PTGER4: variants seen among roughly 807,000 people sequenced by gnomAD.
PTGER4 encodes the protein prostaglandin E2 receptor EP4 subtype.
A neutral mutation model predicts 33.2 loss-of-function variants in PTGER4; 11 were observed. That is an observed-to-expected ratio of 0.33 (90% confidence interval 0.21 to 0.55). The LOEUF is 0.55. Ranked by LOEUF, PTGER4 falls within the 20% of genes least tolerant of loss-of-function variation. The probability of loss-of-function intolerance (pLI) is 0.92; values close to 1 mark genes in which losing one functional copy is unlikely to be tolerated. For missense variants in PTGER4, 481 were observed against 650.2 expected, an observed-to-expected ratio of 0.74 and a Z score of 2.83; for synonymous variants, 275 against 281.5, an observed-to-expected ratio of 0.98 and a Z score of 0.23.
intron 2 of PTGER4, among the ~76,000 whole-genome samples, chr5:40,684,151 C>T (rs1350855490): frequency 8.6e-6 from 1 of 116,520 alleles, no homozygotes; most frequent in East Asian, 2.9e-4. Context: ...TCAGCAATTA[C>T]TGAAATAATC....
downstream of PTGER4, chr5:40,696,854 A>C (rs1561133898): frequency 1.3e-3 from 490 of 374,208 alleles, no homozygotes; most frequent in Non-Finnish European, 1.6e-3. Flanking sequence ...ACAAGAACTC[A>C]AGGCAACAGC....
the PTGER4 span, among the ~76,000 whole-genome samples, chr5:40,733,149 G>C: frequency 2.0e-5 from 3 of 152,148 alleles, no homozygotes; most frequent in Non-Finnish European, 2.9e-5. Context: ...AAGACTAGGG[G>C]AATGTGAATA....
the PTGER4 span, among the ~76,000 whole-genome samples, chr5:40,712,457 G>A: frequency 1.6e-4 from 24 of 152,116 alleles, no homozygotes; most frequent in African/African-American, 5.8e-4. Context: ...AATATTTTAA[G>A]TTTACTGCTG....
At position 40,680,890 on chromosome 5, in the gene PTGER4, A is replaced by G. The variant is rs1561126119; in HGVS notation, c.-43-61A>G. ...TGTATCGTTTCTCGGGCGCGGGTCT[A>G]ACACCTTACAAGTGGTAATTTCCGC... On this transcript the variant is annotated intron_variant, in intron 1 of 2. Coordinates refer to ENST00000302472, the MANE Select transcript of PTGER4 (RefSeq NM_000958.3). This position sits in a 1 kb window ranked among gnomAD's most constrained non-coding sequence, Gnocchi z 5.5. The G allele has an allele frequency of 2.8e-6, 4 of 1,426,346 alleles. No homozygotes were observed. The highest frequency in any genetic ancestry group is 3.8e-6 in the Non-Finnish European group (4 of 1,057,528). The allele number at this position is 1,426,346 out of a possible 1,614,324, so 88.4% of individuals were successfully genotyped here.
chr5:40,725,919 G>A, the PTGER4 span, among the ~76,000 whole-genome samples: 1 of 151,460 alleles, frequency 6.6e-6, no homozygotes, highest in East Asian at 1.9e-4. Context: ...CCGAGCAGCT[G>A]GGACTACAGG....
the PTGER4 span, among the ~76,000 whole-genome samples, chr5:40,737,752 A>C: frequency 6.6e-6 from 1 of 152,206 alleles, no homozygotes; most frequent in African/African-American, 2.4e-5. Context: ...ATCTACCCCA[A>C]CTGCTGACCC....
rs771319064 is a variant in PTGER4, at chr5:40,681,149, G to A, written c.156G>A (p.Thr52=). The A allele has an allele frequency of 5.6e-6, 9 of 1,614,042 alleles. No individual in the cohort carries two copies. Among genetic ancestry groups the A allele is most frequent in the Non-Finnish European group, 7.6e-6 (9 of 1,180,050 alleles). ...LCKSRKEQKE[T]TFYTLVCGLA... is the part of the protein sequence containing the mutation. The stretch of plus-strand genomic sequence containing the variant: ...AGTCGCGCAAGGAGCAGAAGGAGAC[G>A]ACCTTCTACACGCTGGTATGTGGGC... Residue 52 remains threonine (T), a synonymous_variant, in exon 2 of 3, where the codon ACG becomes ACA. Coordinates refer to ENST00000302472, the MANE Select transcript of PTGER4 (RefSeq NM_000958.3). This position sits in a 1 kb window ranked among gnomAD's most constrained non-coding sequence, Gnocchi z 9.8.
intron 2 of PTGER4, among the ~76,000 whole-genome samples, chr5:40,686,611 A>G (rs1342452139): frequency 6.6e-6 from 1 of 152,258 alleles, no homozygotes; most frequent in Non-Finnish European, 1.5e-5. Context: ...TCTACAGCAT[A>G]TAGCCTCCTT....
the PTGER4 span, among the ~76,000 whole-genome samples, chr5:40,741,401 A>C: frequency 2.6e-5 from 4 of 152,160 alleles, no homozygotes; most frequent in South Asian, 8.3e-4. Context: ...TCCGCTCTGT[A>C]TGAACGCTAC....
the PTGER4 span, among the ~76,000 whole-genome samples, chr5:40,713,911 A>G: frequency 6.6e-6 from 1 of 152,234 alleles, no homozygotes; most frequent in South Asian, 2.1e-4. Context: ...CTTCACGCAT[A>G]GAAGAGTATG....
the PTGER4 span, among the ~76,000 whole-genome samples, chr5:40,722,056 T>C: frequency 6.6e-6 from 1 of 152,028 alleles, no homozygotes; most frequent in Admixed American, 6.6e-5. Flanking sequence ...GAAATGCAAA[T>C]CAAAACCACC....
At chr5:40,708,451 C>G in the PTGER4 span, among the ~76,000 whole-genome samples, 8 of 151,974 alleles carry the variant, frequency 5.3e-5, no homozygotes, top group South Asian at 2.1e-4. Context: ...ATAAATTCCT[C>G]GACACATACA....
downstream of PTGER4, among the ~76,000 whole-genome samples, chr5:40,697,076 AG>A (rs1200756410): frequency 5.1e-5 from 4 of 77,926 alleles, no homozygotes; most frequent in South Asian, 4.4e-4. Context: ...AAAGAAAGGA[AG>A]GAAGGAAGGA....
rs535217953 is a variant in PTGER4 at position 40,683,820 on chromosome 5, T to C, written c.867+1960T>C. Among the ~76,000 whole-genome samples, 1 of 152,304 alleles carries C rather than the reference T, an allele frequency of 6.6e-6. No homozygotes were observed. Among genetic ancestry groups the C allele is most frequent in the South Asian group, 2.1e-4 (1 of 4,828 alleles). ...ATTTGAGGACCTAGAGGCAAGAAAT[T>C]ATAGGAGCTGTATTTGTGGTTTGCA... On this transcript the variant is annotated intron_variant, in intron 2 of 2. Transcript: ENST00000302472. The surrounding 1 kb of genome is among the most constrained non-coding windows in gnomAD (Gnocchi z 4.2).
the PTGER4 span, among the ~76,000 whole-genome samples, chr5:40,731,044 G>A: frequency 0.02 from 2,982 of 152,220 alleles, 39 homozygotes; most frequent in East Asian, 0.063. Flanking sequence ...TAGGCATATT[G>A]TGGGTGATTT....
At chr5:40,742,652 T>C in the PTGER4 span, among the ~76,000 whole-genome samples, 1 of 152,078 alleles carries the variant, frequency 6.6e-6, no homozygotes, top group Admixed American at 6.6e-5. Context: ...GTAAGGGTTA[T>C]GAGAAAAAGA....
At chr5:40,730,807 A>T in the PTGER4 span, among the ~76,000 whole-genome samples, 8 of 152,188 alleles carry the variant, frequency 5.3e-5, no homozygotes, top group African/African-American at 1.9e-4. Context: ...GCTCAGAAAA[A>T]CTTAGAAATG....
the PTGER4 span, among the ~76,000 whole-genome samples, chr5:40,733,588 T>A: frequency 6.6e-6 from 1 of 152,180 alleles, no homozygotes; most frequent in African/African-American, 2.4e-5. Context: ...CAGAGGAAGT[T>A]ATCACCCCAT....
At chr5:40,741,384 A>C in the PTGER4 span, among the ~76,000 whole-genome samples, 1 of 152,192 alleles carries the variant, frequency 6.6e-6, no homozygotes, top group African/African-American at 2.4e-5. Context: ...TGAAGCTTGA[A>C]TAGCTCTCCG....
Sources: gnomAD v4.1 joint callset for allele counts (sites outside exome capture counted in the v4.1 genomes callset) on GRCh38, gnomAD v4.1.1 for gene constraint, Gnocchi (gnomAD v3.1) non-coding constraint, MANE v1.5 for transcripts, NCBI Gene and HGNC (gene_info 2026-07-23, HGNC 2026-07-21) for gene names.